The following PIK3C2G variants were observed in gnomAD, a reference collection of about 807,000 sequenced individuals.
The protein encoded by PIK3C2G is phosphatidylinositol-4-phosphate 3-kinase catalytic subunit type 2 gamma.
PIK3C2G carries 168 observed loss-of-function variants against 181.1 expected under a neutral mutation model. That is an observed-to-expected ratio of 0.93 (90% CI 0.82 to 1.05). PIK3C2G has a LOEUF of 1.05. PIK3C2G is among the 50% of genes least tolerant of loss of function. The probability of loss-of-function intolerance (pLI) is 0.00; values close to 1 mark genes in which losing one functional copy is unlikely to be tolerated. For missense variants in PIK3C2G, 1,869 were observed against 1,732.8 expected (o/e 1.08, Z -1.40); for synonymous variants, 573 against 592.2 (o/e 0.97, Z 0.47).
At chr12:18,524,148 G>A (rs998194659) in intron 24 of PIK3C2G, among the ~76,000 whole-genome samples, 1 of 152,148 alleles carries the variant, frequency 6.6e-6, no homozygotes, top group African/African-American at 2.4e-5. Flanking sequence ...AGACAGGAGT[G>A]AGCCTCCTGC....
downstream of PIK3C2G, among the ~76,000 whole-genome samples, chr12:18,648,763 C>T (rs1425190442): frequency 6.6e-6 from 1 of 152,058 alleles, no homozygotes; most frequent in African/African-American, 2.4e-5. Flanking sequence ...TGCTTCTGAA[C>T]CTACTTTCGT....
At chr12:18,414,055 C>T (rs1041368620) in intron 16 of PIK3C2G, among the ~76,000 whole-genome samples, 2 of 152,072 alleles carry the variant, frequency 1.3e-5, no homozygotes, top group African/African-American at 4.8e-5. Context: ...AGTTCAGGAG[C>T]CCTTTTTGAA....
chr12:18,644,283 T>C (rs1433042752), intron 32 of PIK3C2G, among the ~76,000 whole-genome samples: 1 of 152,138 alleles, frequency 6.6e-6, no homozygotes, highest in Non-Finnish European at 1.5e-5. Flanking sequence ...GGAACTGCCA[T>C]ACAGCTTGAA....
chr12:18,338,465 T>A lies in PIK3C2G; in HGVS notation c.1312T>A (p.Cys438Ser). Reference protein sequence around the residue: ...YNIIEEVKKICSVLGCVETKQ... With the variant: ...YNIIEEVKKISSVLGCVETKQ... ...TATTATTGAAGAAGTTAAAAAAATA[T>A]GCAGTGTTCTAGGGTGTGTGGAAAC... Residue 438 changes from cysteine to serine, a missense_variant, in exon 9 of 33, where the codon TGC becomes AGC. Physicochemically the swap from Cys to Ser is moderately radical, Grantham distance 112 (BLOSUM62 -1). Coordinates refer to ENST00000538779, the MANE Select transcript of PIK3C2G (RefSeq NM_001288772.2). 1 of 1,576,430 alleles carries A rather than the reference T, an allele frequency of 6.3e-7. No homozygotes were observed. Among genetic ancestry groups the A allele is most frequent in the Non-Finnish European group, 8.7e-7 (1 of 1,147,596 alleles).
At chr12:18,526,744 A>G (rs1330824784) in intron 24 of PIK3C2G, among the ~76,000 whole-genome samples, 2 of 152,122 alleles carry the variant, frequency 1.3e-5, no homozygotes, top group Non-Finnish European at 2.9e-5. Flanking sequence ...TACACCTCAC[A>G]TTTAAATAGT....
intron 18 of PIK3C2G, among the ~76,000 whole-genome samples, chr12:18,443,499 C>A (rs1293311861): frequency 2.0e-5 from 3 of 151,790 alleles, no homozygotes; most frequent in Admixed American, 6.6e-5. Context: ...AAAACCACTT[C>A]TTTTGTTATA....
At chr12:18,500,132 C>T (rs997712372) in intron 22 of PIK3C2G, among the ~76,000 whole-genome samples, 1 of 152,158 alleles carries the variant, frequency 6.6e-6, no homozygotes, top group African/African-American at 2.4e-5. Context: ...CCTCAGCTTG[C>T]GGGGAGTTAT....
chr12:18,336,307 A>C (rs1938526001), intron 8 of PIK3C2G, among the ~76,000 whole-genome samples: 2 of 152,164 alleles, frequency 1.3e-5, no homozygotes, highest in Admixed American at 6.5e-5. Flanking sequence ...ACAGGTAGAA[A>C]GGGGCAGAAC....
At chr12:18,585,367 GA>G (rs892825472) in intron 29 of PIK3C2G, among the ~76,000 whole-genome samples, 6 of 133,834 alleles carry the variant, frequency 4.5e-5, no homozygotes, top group Admixed American at 3.0e-4. Flanking sequence ...ATGGAAATCA[GA>G]AAAAAAAAGC....
intron 3 of PIK3C2G, among the ~76,000 whole-genome samples, chr12:18,289,432 C>T (rs1591836877): frequency 2.6e-5 from 4 of 152,048 alleles, no homozygotes; most frequent in East Asian, 3.9e-4. Context: ...AAATCATGGA[C>T]GCATTGAGGA....
chr12:18,487,244 A>G (rs1371035212), intron 18 of PIK3C2G, among the ~76,000 whole-genome samples: 1 of 152,012 alleles, frequency 6.6e-6, no homozygotes, highest in Non-Finnish European at 1.5e-5. Context: ...ATAATGACAA[A>G]GGAACAGGCC....
At chr12:18,573,475 T>C (rs1360350741) in intron 29 of PIK3C2G, among the ~76,000 whole-genome samples, 1 of 152,126 alleles carries the variant, frequency 6.6e-6, no homozygotes, top group Admixed American at 6.5e-5. Flanking sequence ...TCTCAACTGC[T>C]CCCACTTGTG....
At chr12:18,295,928 A>G (rs1281905376) in intron 5 of PIK3C2G, among the ~76,000 whole-genome samples, 2 of 152,082 alleles carry the variant, frequency 1.3e-5, no homozygotes, top group Non-Finnish European at 2.9e-5. Context: ...AGACATGGAA[A>G]TCTGTTCATA....
At chr12:18,529,983 G>A (rs1270960954) in intron 24 of PIK3C2G, among the ~76,000 whole-genome samples, 3 of 152,216 alleles carry the variant, frequency 2.0e-5, no homozygotes, top group African/African-American at 7.2e-5. Flanking sequence ...AGGGCTCTAA[G>A]ACCACATGCC....
At chr12:18,699,118 G>A in the PIK3C2G span, among the ~76,000 whole-genome samples, 1 of 152,150 alleles carries the variant, frequency 6.6e-6, no homozygotes, top group Admixed American at 6.5e-5. Context: ...TAGAGGCAGT[G>A]AAAGGAAGAT....
chr12:18,610,042 CT>C (rs1425481330), intron 31 of PIK3C2G, among the ~76,000 whole-genome samples: 4 of 152,034 alleles, frequency 2.6e-5, no homozygotes, highest in Non-Finnish European at 4.4e-5. Context: ...AGAACAAAAT[CT>C]GTAGTTAGCC....
chr12:18,249,518 A>C (rs1591757743), intron 1 of PIK3C2G, among the ~76,000 whole-genome samples: 1 of 152,178 alleles, frequency 6.6e-6, no homozygotes, highest in Non-Finnish European at 1.5e-5. Context: ...ATGTTTCATA[A>C]ATTAAATTGA....
chr12:18,374,151 C>A (rs945725960), intron 13 of PIK3C2G, among the ~76,000 whole-genome samples: 1 of 152,106 alleles, frequency 6.6e-6, no homozygotes. Context: ...AATCCCAAAG[C>A]CCAAGCATGC....
At chr12:18,704,110 T>C in the PIK3C2G span, among the ~76,000 whole-genome samples, 6 of 152,188 alleles carry the variant, frequency 3.9e-5, no homozygotes, top group South Asian at 1.2e-3. Flanking sequence ...CAACAGAAAG[T>C]AATTCAGGGA....
Sources: allele counts gnomAD v4.1 joint callset (sites outside exome capture counted in the v4.1 genomes callset), GRCh38; gene constraint gnomAD v4.1.1; transcripts MANE v1.5; gene names NCBI Gene and HGNC (gene_info 2026-07-23, HGNC 2026-07-21).